EXOC2: variants seen among roughly 807,000 people sequenced by gnomAD.
EXOC2 encodes the protein exocyst complex component 2.
In EXOC2, 70 loss-of-function variants were observed where a neutral mutation model predicts 131.8. The observed-to-expected ratio is 0.53, with a 90% CI of 0.44 to 0.65. The LOEUF (loss-of-function observed/expected upper bound fraction) is 0.65. Ranked by LOEUF, EXOC2 falls within the 30% of genes least tolerant of loss-of-function variation. The pLI, the probability that EXOC2 is intolerant of heterozygous loss-of-function variation, is 0.00. For synonymous variants in EXOC2, 411 were observed against 398.4 expected, an observed-to-expected ratio of 1.03 and a Z score of -0.38; for missense variants, 923 against 1,108.6, an observed-to-expected ratio of 0.83 and a Z score of 2.38.
chr6:637,193 C>T (rs1246482525), intron 2 of EXOC2, among the ~76,000 whole-genome samples: 6 of 152,158 alleles, frequency 3.9e-5, no homozygotes, highest in Non-Finnish European at 5.9e-5. Flanking sequence ...AACTTTGGCT[C>T]GCTCCAGATA....
At chr6:553,076 C>G (rs921763515) in intron 21 of EXOC2, among the ~76,000 whole-genome samples, 1 of 152,160 alleles carries the variant, frequency 6.6e-6, no homozygotes, top group Non-Finnish European at 1.5e-5. Context: ...CGACACCACA[C>G]CAGACTAATT....
chr6:613,522 A>T (rs1279761877), intron 6 of EXOC2, among the ~76,000 whole-genome samples: 1 of 152,242 alleles, frequency 6.6e-6, no homozygotes, highest in Non-Finnish European at 1.5e-5. Context: ...TGTGCCCAAC[A>T]CTGGAACACA....
In EXOC2 at chr6:497,461, G is replaced by A; in HGVS notation, c.2465C>T (p.Pro822Leu). The A allele has an allele frequency of 6.2e-7, 1 of 1,613,486 alleles. No homozygotes were observed. Among genetic ancestry groups the A allele is most frequent in the East Asian group, 2.2e-5 (1 of 44,816 alleles). Reference sequence around the variant, plus strand: ...TTCTATCACCTTGGATAGTACCCGAGGGACCAGTTCTTTGGAAATGGTGAA... The same window carrying A: ...TTCTATCACCTTGGATAGTACCCGAAGGACCAGTTCTTTGGAAATGGTGAA... The part of the protein sequence containing the change: ...EVFTISKELV[P>L]RVLSKVIEAV... Residue 822 changes from proline (P) to leucine (L), a missense_variant, in exon 25 of 28, where the codon CCT becomes CTT. Coordinates refer to ENST00000230449, the MANE Select transcript of EXOC2 (RefSeq NM_018303.6).
rs1447755540 is a variant in EXOC2, at chr6:637,710, C to T, written c.109G>A (p.Asp37Asn). 5.0e-6 allele frequency: 8 copies of T among 1,612,822 alleles called. No individual in the cohort carries two copies. Among genetic ancestry groups the T allele is most frequent in the South Asian group, 1.1e-5 (1 of 90,856 alleles). The part of the protein sequence containing the change: ...RGENLGTGPT[D>N]LIGLTICGHN... ...GGGCCTCTGCCCTTACCTATGAGGTCGGTGGGGCCAGTCCCCAGATTTTCT... is the reference window on the plus strand; with the variant it reads ...GGGCCTCTGCCCTTACCTATGAGGTTGGTGGGGCCAGTCCCCAGATTTTCT... The change falls in exon 2 of 28, where the codon GAC becomes AAC. Residue 37 changes from aspartate to asparagine, a missense_variant. By Grantham distance (23) the Asp-to-Asn change is conservative. Transcript: ENST00000230449.
intron 23 of EXOC2, among the ~76,000 whole-genome samples, chr6:510,851 CTT>C (rs1346083598): frequency 2.0e-5 from 3 of 152,080 alleles, no homozygotes; most frequent in African/African-American, 7.2e-5. Context: ...TACAAGGAAA[CTT>C]CAGTTAGAAA....
At chr6:605,725 A>T (rs1175334656) in intron 7 of EXOC2, among the ~76,000 whole-genome samples, 2 of 151,808 alleles carry the variant, frequency 1.3e-5, no homozygotes, top group African/African-American at 4.8e-5. Context: ...GATCTTAGTT[A>T]TTTCTTGCCT....
intron 1 of EXOC2, among the ~76,000 whole-genome samples, 169 bp downstream of exon 1, chr6:692,850 T>C (rs1171239863): frequency 6.6e-6 from 1 of 151,014 alleles, no homozygotes; most frequent in African/African-American, 2.4e-5. Context: ...GCTGCGGGGC[T>C]GGGAACCGCG....
intron 23 of EXOC2, among the ~76,000 whole-genome samples, chr6:527,148 C>T (rs1195742746): frequency 6.6e-6 from 1 of 152,154 alleles, no homozygotes; most frequent in Non-Finnish European, 1.5e-5. Flanking sequence ...TTTAATGGTC[C>T]ATTTTCTCAG....
rs138470165 is a variant in EXOC2 at position 629,868 on chromosome 6, C to T, written c.389G>A (p.Arg130His). Residue 130 changes from arginine to histidine, a missense_variant, in exon 4 of 28, where the codon CGT becomes CAT. Transcript: ENST00000230449. ...CTCAATGCCAAGCGGGTTAGCAGGA[C>T]GTAAGGACAAGGGCGGAATTCCTTT... The part of the protein sequence containing the change: ...RNKGIPPLSL[R>H]PANPLGIEIE... The T allele has an allele frequency of 8.1e-6, 13 of 1,613,934 alleles. No individual in the cohort carries two copies. Among genetic ancestry groups the T allele is most frequent in the Admixed American group, 5.0e-5 (3 of 60,004 alleles).
At chr6:656,312 G>C (rs775140178) in intron 1 of EXOC2, 4 of 1,614,050 alleles carry the variant, frequency 2.5e-6, no homozygotes, top group African/African-American at 2.7e-5. Flanking sequence ...CAGCCGACTG[G>C]GGAGGGTTTC....
At chr6:660,338 G>T (rs1015317314) in intron 1 of EXOC2, among the ~76,000 whole-genome samples, 8 of 152,154 alleles carry the variant, frequency 5.3e-5, no homozygotes, top group African/African-American at 1.9e-4. Context: ...AGGCCAACTA[G>T]CACCAAACTA....
At chr6:627,243 CAAAAAAAAA>C (rs144043704) in intron 4 of EXOC2, among the ~76,000 whole-genome samples, 133 of 118,932 alleles carry the variant, frequency 1.1e-3, no homozygotes, top group African/African-American at 3.9e-3. Flanking sequence ...TGACAGTATC[CAAAAAAAAA>C]AAAAAAAAAA....
At position 662,559 on chromosome 6, in the gene EXOC2, G is replaced by A. The variant is rs146823096; in HGVS notation, c.-43-24698C>T. 2.7e-3 allele frequency among the ~76,000 whole-genome samples: 412 copies of A among 152,110 alleles called. 2 individuals carry two copies. Among genetic ancestry groups the A allele is most frequent in the African/African-American group, 9.5e-3 (396 of 41,508 alleles). On this transcript the variant is annotated intron_variant, in intron 1 of 27. Coordinates refer to ENST00000230449, the MANE Select transcript of EXOC2 (RefSeq NM_018303.6). ...ATAACCTGCTCCCAAATGAGCATTG[G>A]GTCAAAAACAAAATCAAGATGGGAA...
chr6:488,125 G>A (rs888986738), intron 27 of EXOC2, among the ~76,000 whole-genome samples: 7 of 152,196 alleles, frequency 4.6e-5, no homozygotes, highest in Non-Finnish European at 7.3e-5. Flanking sequence ...GGGGCGGGGC[G>A]GCGATGCCCC....
At chr6:603,399 G>A (rs1389571186) in intron 7 of EXOC2, among the ~76,000 whole-genome samples, 1 of 149,404 alleles carries the variant, frequency 6.7e-6, no homozygotes, top group Non-Finnish European at 1.5e-5. Context: ...TAACAGTACT[G>A]AAAGCCTGTT....
At chr6:510,815 T>C (rs968379387) in intron 23 of EXOC2, among the ~76,000 whole-genome samples, 7 of 152,200 alleles carry the variant, frequency 4.6e-5, no homozygotes, top group African/African-American at 1.7e-4. Flanking sequence ...TTGAATTTAG[T>C]TTTTTGTCAG....
chr6:510,731 A>G (rs549936490), intron 23 of EXOC2, among the ~76,000 whole-genome samples: 1 of 152,250 alleles, frequency 6.6e-6, no homozygotes, highest in Non-Finnish European at 1.5e-5. Context: ...TACGTTTCAC[A>G]AACTTGATAC....
rs1763038260 is a variant in EXOC2 at position 486,269 on chromosome 6, A to ATCAG, written c.*398_*401dup. The ATCAG allele has an allele frequency of 6.1e-6, 1 of 164,224 alleles. No individual in the cohort carries two copies. Among genetic ancestry groups the ATCAG allele is most frequent in the South Asian group, 1.8e-4 (1 of 5,492 alleles). 10.2% of individuals were successfully genotyped at this position (164,224 alleles called of 1,614,324 possible). A position where few individuals can be genotyped will look rare whatever the true frequency, so the allele number is the denominator to read the frequency against. On this transcript the variant is annotated 3_prime_UTR_variant, in exon 28 of 28. Coordinates refer to ENST00000230449, the MANE Select transcript of EXOC2 (RefSeq NM_018303.6). The stretch of plus-strand genomic sequence containing the variant: ...GTCTACATAGCTTTCCAAATCTCGT[A>ATCAG]TCAGTCAGTCTCTCCGTGTGTCGTG...
chr6:529,868 G>A (rs1765973560), intron 23 of EXOC2, among the ~76,000 whole-genome samples: 1 of 152,002 alleles, frequency 6.6e-6, no homozygotes, highest in Non-Finnish European at 1.5e-5. Context: ...TAATCACAGG[G>A]GAAGATACGA....
Sources: allele counts gnomAD v4.1 joint callset (sites outside exome capture counted in the v4.1 genomes callset), GRCh38; gene constraint gnomAD v4.1.1; transcripts MANE v1.5; gene names NCBI Gene and HGNC (gene_info 2026-07-23, HGNC 2026-07-21).